Variants in VOPP1 observed in about 807,000 individuals in gnomAD.
The protein encoded by VOPP1 is WW domain binding protein VOPP1.
Under a neutral mutation model 23.5 loss-of-function variants are expected in VOPP1, and 8 were observed. That is an observed-to-expected ratio of 0.34 (90% CI 0.20 to 0.61). The LOEUF (loss-of-function observed/expected upper bound fraction) is 0.61. Among genes scored for constraint, VOPP1 ranks in the 20% least tolerant of loss-of-function variants. The pLI is 0.78. For synonymous variants in VOPP1, 83 were observed against 97.3 expected, an observed-to-expected ratio of 0.85 and a Z score of 0.86; for missense variants, 174 against 238.1, an observed-to-expected ratio of 0.73 and a Z score of 1.77.
intron 1 of VOPP1, among the ~76,000 whole-genome samples, chr7:55,558,271 A>G: frequency 6.6e-6 from 1 of 152,188 alleles, no homozygotes; most frequent in East Asian, 1.9e-4. Context: ...CTTATGGCAT[A>G]AATTGTGGAG....
intron 2 of VOPP1, among the ~76,000 whole-genome samples, chr7:55,515,020 C>T (rs967554790): frequency 1.3e-5 from 2 of 152,152 alleles, no homozygotes; most frequent in Admixed American, 1.3e-4. Flanking sequence ...AGGAGCCTCC[C>T]GAGGTCTCTG....
intron 1 of VOPP1, among the ~76,000 whole-genome samples, chr7:55,564,260 T>TCC (rs1330233586): frequency 1.3e-5 from 2 of 150,540 alleles, no homozygotes; most frequent in Non-Finnish European, 2.9e-5. Flanking sequence ...TCTCTCTCTC[T>TCC]CTCTCTCGCT....
At chr7:55,547,334 G>A (rs1229465849) in intron 1 of VOPP1, among the ~76,000 whole-genome samples, 2 of 152,230 alleles carry the variant, frequency 1.3e-5, no homozygotes, top group Non-Finnish European at 2.9e-5. Context: ...TGAATAGGAA[G>A]AGTGGCAGGC....
chr7:55,502,966 A>G (rs766900154), intron 2 of VOPP1, among the ~76,000 whole-genome samples: 9 of 152,252 alleles, frequency 5.9e-5, no homozygotes, highest in Non-Finnish European at 8.8e-5. Flanking sequence ...ATATCTAATT[A>G]TAGTCCTGAG....
chr7:55,491,218 T>C (rs1294109062), intron 4 of VOPP1, among the ~76,000 whole-genome samples: 1 of 152,238 alleles, frequency 6.6e-6, no homozygotes, highest in Non-Finnish European at 1.5e-5. Flanking sequence ...TATTTTTGTG[T>C]GATAAGAACA....
At chr7:55,548,005 A>G (rs527654735) in intron 1 of VOPP1, among the ~76,000 whole-genome samples, 2 of 152,090 alleles carry the variant, frequency 1.3e-5, no homozygotes, top group South Asian at 2.1e-4. Context: ...AAAAATTTCC[A>G]CCAAAATACC....
intron 2 of VOPP1, among the ~76,000 whole-genome samples, chr7:55,501,546 T>C (rs1320909880): frequency 6.6e-6 from 1 of 152,226 alleles, no homozygotes; most frequent in East Asian, 1.9e-4. Flanking sequence ...GGCTAAGGTC[T>C]TTCGGTCCTT....
At chr7:55,441,100 T>A (rs1421212998) in intron 4 of VOPP1, among the ~76,000 whole-genome samples, 1 of 152,230 alleles carries the variant, frequency 6.6e-6, no homozygotes, top group Non-Finnish European at 1.5e-5. Flanking sequence ...TGGGACCATT[T>A]TCTGTTTCTA....
At chr7:55,441,294 A>G (rs1384065055) in intron 4 of VOPP1, among the ~76,000 whole-genome samples, 2 of 152,198 alleles carry the variant, frequency 1.3e-5, no homozygotes, top group Admixed American at 6.5e-5. Flanking sequence ...TACAAAACCA[A>G]AAAGCCTTGC....
chr7:55,512,683 T>C (rs756252092), intron 2 of VOPP1, among the ~76,000 whole-genome samples: 40 of 152,238 alleles, frequency 2.6e-4, no homozygotes, highest in Non-Finnish European at 5.3e-4. Flanking sequence ...AGCAGGCGTA[T>C]GGAGCACTCA....
At chr7:55,539,839 C>G (rs1219863478) in intron 1 of VOPP1, among the ~76,000 whole-genome samples, 3 of 151,918 alleles carry the variant, frequency 2.0e-5, no homozygotes, top group Non-Finnish European at 4.4e-5. Flanking sequence ...TATATATACA[C>G]ACATACACGC....
intron 2 of VOPP1, among the ~76,000 whole-genome samples, chr7:55,502,263 T>C (rs1794420710): frequency 6.6e-6 from 1 of 152,240 alleles, no homozygotes; most frequent in African/African-American, 2.4e-5. Context: ...CTAGAATATT[T>C]GGAGTATAAC....
chr7:55,494,127 G>A (rs1016819215), intron 3 of VOPP1, among the ~76,000 whole-genome samples: 1 of 152,180 alleles, frequency 6.6e-6, no homozygotes, highest in African/African-American at 2.4e-5. Context: ...GGGGAGCCCG[G>A]AGACCCAAAC....
intron 1 of VOPP1, among the ~76,000 whole-genome samples, chr7:55,553,296 A>C (rs1243834963): frequency 6.6e-6 from 1 of 152,090 alleles, no homozygotes; most frequent in Non-Finnish European, 1.5e-5. Context: ...TATTGGGGAG[A>C]AATTTTCATT....
intron 1 of VOPP1, among the ~76,000 whole-genome samples, chr7:55,530,152 C>T (rs1796418973): frequency 6.6e-6 from 1 of 152,140 alleles, no homozygotes; most frequent in South Asian, 2.1e-4. Flanking sequence ...CCTTACCTAA[C>T]TTGTTGAGAG....
At chr7:55,554,531 T>C (rs1355342248) in intron 1 of VOPP1, among the ~76,000 whole-genome samples, 1 of 152,178 alleles carries the variant, frequency 6.6e-6, no homozygotes, top group Non-Finnish European at 1.5e-5. Flanking sequence ...AAACGGGGCC[T>C]GGGAGAGGCA....
chr7:55,454,742 T>C (rs922600962), intron 4 of VOPP1, among the ~76,000 whole-genome samples: 5 of 152,180 alleles, frequency 3.3e-5, no homozygotes, highest in Admixed American at 3.3e-4. Context: ...TTCGACAAAA[T>C]TCAATAGCCC....
At chr7:55,458,371 C>G (rs1791419025) in intron 4 of VOPP1, among the ~76,000 whole-genome samples, 1 of 151,988 alleles carries the variant, frequency 6.6e-6, no homozygotes, top group South Asian at 2.1e-4. Context: ...CCAGCTTTTT[C>G]TTTTTTGCTC....
At chr7:55,537,518 T>A (rs1562607700) in intron 1 of VOPP1, 2 of 1,536,056 alleles carry the variant, frequency 1.3e-6, no homozygotes, top group Non-Finnish European at 1.7e-6. Flanking sequence ...TGTGAGCCCG[T>A]CCTTCGCATT....
Sources: allele counts gnomAD v4.1 joint callset (sites outside exome capture counted in the v4.1 genomes callset), GRCh38; gene constraint gnomAD v4.1.1; transcripts MANE v1.5; gene names NCBI Gene and HGNC (gene_info 2026-07-23, HGNC 2026-07-21).